The following TNPO1 variants were observed in gnomAD, a reference collection of about 807,000 sequenced individuals.
The protein encoded by TNPO1 is transportin-1.
TNPO1 carries 8 observed loss-of-function variants against 119.5 expected under a neutral mutation model. That is an observed-to-expected ratio of 0.07 (90% CI 0.04 to 0.12). TNPO1 has a LOEUF of 0.12. Among genes scored for constraint, TNPO1 ranks in the 10% least tolerant of loss-of-function variants. The pLI, the probability that TNPO1 is intolerant of heterozygous loss-of-function variation, is 1.00. For missense variants in TNPO1, 576 were observed against 1,089.8 expected, an observed-to-expected ratio of 0.53 and a Z score of 6.64; for synonymous variants, 362 against 363.0, an observed-to-expected ratio of 1.00 and a Z score of 0.03.
chr5:72,909,867 C>A lies in TNPO1; in HGVS notation c.*1194C>A, dbSNP rs1750441622. ...GAAAGCTGATATACCTGTGCAAAAT[C>A]TTTGCCTCTGTGCTGTCAGTGTGAT... On this transcript the variant is annotated 3_prime_UTR_variant, in exon 25 of 25. Transcript: ENST00000337273. 6.6e-6 allele frequency: 1 copy of A among 152,562 alleles called. No homozygotes were observed. Among genetic ancestry groups the A allele is most frequent in the Admixed American group, 6.6e-5 (1 of 15,262 alleles). 9.5% of individuals were successfully genotyped at this position (152,562 alleles called of 1,614,324 possible). A position where few individuals can be genotyped will look rare whatever the true frequency, so the allele number is the denominator to read the frequency against.
At chr5:72,902,322 G>A (rs900173504) in intron 22 of TNPO1, among the ~76,000 whole-genome samples, 2 of 152,038 alleles carry the variant, frequency 1.3e-5, no homozygotes, top group East Asian at 3.8e-4. Flanking sequence ...TTTTAGAAAC[G>A]TTAATTCTGT....
intron 24 of TNPO1, among the ~76,000 whole-genome samples, chr5:72,907,572 A>G (rs536325408): frequency 2.6e-5 from 4 of 152,266 alleles, no homozygotes; most frequent in East Asian, 1.9e-4. Flanking sequence ...TAAAAGGACC[A>G]CTATCAGGTA....
At chr5:72,874,927 A>G (rs1446442062) in intron 7 of TNPO1, among the ~76,000 whole-genome samples, 1 of 152,144 alleles carries the variant, frequency 6.6e-6, no homozygotes, top group Non-Finnish European at 1.5e-5. Context: ...TTTTTCTTCT[A>G]GTGGAAGCTT....
intron 1 of TNPO1, among the ~76,000 whole-genome samples, chr5:72,828,174 A>G (rs1411516780): frequency 6.6e-6 from 1 of 152,130 alleles, no homozygotes; most frequent in African/African-American, 2.4e-5. Context: ...AAGAGGTGAA[A>G]CAGTGGTCAC....
intron 1 of TNPO1, among the ~76,000 whole-genome samples, chr5:72,822,805 C>A (rs759214381): frequency 6.6e-6 from 1 of 151,514 alleles, no homozygotes; most frequent in African/African-American, 2.4e-5. Context: ...GCTGTGCAGG[C>A]GTGTCTCCAA....
chr5:72,888,388 TATAATG>T, intron 13 of TNPO1, 85 bp downstream of exon 13: 1 of 1,170,444 alleles, frequency 8.5e-7, no homozygotes, highest in South Asian at 1.5e-5. Flanking sequence ...GTGTTAAACC[TATAATG>T]AAGTGTTTCG....
Position 72,868,458 on chromosome 5 carries a change from A to AAAAAAAAAAAAC in TNPO1, c.596+2730_596+2731insAAAAAAAAAACA, listed in dbSNP as rs1554052270. On this transcript the variant is annotated intron_variant, in intron 6 of 24. Transcript: ENST00000337273. ...AAAAAAAAAAAAAAAAAAAAAAAAA[A>AAAAAAAAAAAAC]ACACAAAATAATATATCAGGCATTT... 7.1e-5 allele frequency among the ~76,000 whole-genome samples: 8 copies of AAAAAAAAAAAAC among 113,414 alleles called. 1 individual carries two copies. Among genetic ancestry groups the AAAAAAAAAAAAC allele is most frequent in the Middle Eastern group, 5.2e-3 (1 of 194 alleles). The allele number at this position is 113,414 out of a possible 152,430, so 74.4% of individuals were successfully genotyped here.
At chr5:72,831,515 A>G (rs762330924) in intron 1 of TNPO1, among the ~76,000 whole-genome samples, 3 of 151,956 alleles carry the variant, frequency 2.0e-5, no homozygotes, top group Middle Eastern at 3.3e-3. Flanking sequence ...TGTAGCATTT[A>G]AATGTCAACA....
chr5:72,890,023 A>T, intron 14 of TNPO1, 66 bp downstream of exon 14: 1 of 1,537,512 alleles, frequency 6.5e-7, no homozygotes, highest in Non-Finnish European at 8.9e-7. Context: ...ATAGATTAGC[A>T]TATATTTGGA....
rs182905653 is a variant in TNPO1 at position 72,830,543 on chromosome 5, G to A, written c.15+13791G>A. Among the ~76,000 whole-genome samples, 7 of 152,240 alleles carry A rather than the reference G, an allele frequency of 4.6e-5. No homozygotes were observed. In the East Asian group the frequency reaches 1.2e-3, roughly 25 times the overall value. On this transcript the variant is annotated intron_variant, in intron 1 of 24. Coordinates refer to ENST00000337273, the MANE Select transcript of TNPO1 (RefSeq NM_002270.4). ...TATTATATTGGTAGTTTCCAGCTGT[G>A]AGATCCTGCACATACAAGCACTTAA...
chr5:72,837,563 G>C (rs1744737919), intron 1 of TNPO1, among the ~76,000 whole-genome samples: 1 of 152,136 alleles, frequency 6.6e-6, no homozygotes, highest in East Asian at 1.9e-4. Context: ...TCAAACCATA[G>C]CATCACTTCA....
chr5:72,865,834 A>G, intron 6 of TNPO1, 105 bp downstream of exon 6: 2 of 1,218,490 alleles, frequency 1.6e-6, no homozygotes, highest in Non-Finnish European at 2.3e-6. Context: ...ATCAAAAGAT[A>G]TTGGATGTTC....
intron 11 of TNPO1, 71 bp downstream of exon 11, chr5:72,883,303 G>C: frequency 1.3e-6 from 1 of 746,260 alleles, no homozygotes; most frequent in Non-Finnish European, 2.4e-6. Flanking sequence ...TTCATCTACT[G>C]TACAGTTTAC....
At position 72,913,750 on chromosome 5, in the gene TNPO1, A is replaced by G. The variant is rs1750709206; in HGVS notation, c.*5077A>G. 1 of 152,546 alleles carries G rather than the reference A, an allele frequency of 6.6e-6. No homozygotes were observed. Among genetic ancestry groups the G allele is most frequent in the Non-Finnish European group, 1.5e-5 (1 of 67,972 alleles). The allele number at this position is 152,546 out of a possible 1,614,324, so 9.4% of individuals were successfully genotyped here. A position where few individuals can be genotyped will look rare whatever the true frequency, so the allele number is the denominator to read the frequency against. On this transcript the variant is annotated 3_prime_UTR_variant, in exon 25 of 25. Transcript: ENST00000337273. ...TCCCCTTCTAATATTGGCCTCATAA[A>G]GGGGTTCCACTGTACTTTCCGCATA...
intron 1 of TNPO1, among the ~76,000 whole-genome samples, chr5:72,819,719 T>C (rs1049235681): frequency 3.3e-5 from 5 of 152,232 alleles, no homozygotes; most frequent in African/African-American, 7.2e-5. Flanking sequence ...AAAGCAAAAC[T>C]TTTCAATGTA....
chr5:72,855,144 C>T (rs1208289674), intron 3 of TNPO1, among the ~76,000 whole-genome samples: 1 of 152,056 alleles, frequency 6.6e-6, no homozygotes, highest in Non-Finnish European at 1.5e-5. Context: ...TAAAGGCACA[C>T]ACCACCATGC....
rs550951114 is a variant in TNPO1, at chr5:72,908,772, G to A, written c.*99G>A. ...CCAGGGAAAATGTTACCCTTTACAG[G>A]GGGGAAGGGTAAACCAGTAGGGAAT... is the stretch of plus-strand genomic sequence containing the variant. On this transcript the variant is annotated 3_prime_UTR_variant, in exon 25 of 25. Transcript: ENST00000337273. 4 of 257,490 alleles carry A rather than the reference G, an allele frequency of 1.6e-5. No homozygotes were observed. In the East Asian group the frequency reaches 4.9e-4, roughly 32 times the overall value. The allele number at this position is 257,490 out of a possible 1,614,324, so 16.0% of individuals were successfully genotyped here.
chr5:72,866,909 T>G (rs1249577848), intron 6 of TNPO1, among the ~76,000 whole-genome samples: 1 of 152,100 alleles, frequency 6.6e-6, no homozygotes, highest in Non-Finnish European at 1.5e-5. Context: ...TTCAGAAATA[T>G]TTCACCTAAA....
At chr5:72,899,295 T>TA (rs1417078506) in intron 20 of TNPO1, among the ~76,000 whole-genome samples, 1 of 152,186 alleles carries the variant, frequency 6.6e-6, no homozygotes, top group Non-Finnish European at 1.5e-5. Context: ...AGTGGACTGT[T>TA]ACCTGAGTTA....
Sources: allele counts gnomAD v4.1 joint callset (sites outside exome capture counted in the v4.1 genomes callset), GRCh38; gene constraint gnomAD v4.1.1; transcripts MANE v1.5; gene names NCBI Gene and HGNC (gene_info 2026-07-23, HGNC 2026-07-21).